CORO1B: variants seen among roughly 807,000 people sequenced by gnomAD.
CORO1B encodes coronin 1B.
CORO1B carries 30 observed loss-of-function variants against 51.1 expected under a neutral mutation model. The observed-to-expected ratio is 0.59, with a 90% CI of 0.44 to 0.80. The LOEUF (loss-of-function observed/expected upper bound fraction) is 0.80. Ranked by LOEUF, CORO1B falls within the 30% of genes least tolerant of loss-of-function variation. CORO1B has a pLI of 0.00. For synonymous variants in CORO1B, 310 were observed against 289.7 expected, an observed-to-expected ratio of 1.07 and a Z score of -0.71; for missense variants, 648 against 700.4, an observed-to-expected ratio of 0.93 and a Z score of 0.84.
rs547002578 is a variant in CORO1B, at chr11:67,442,541, G to A, written c.88C>T (p.Arg30Cys). Residue 30 changes from arginine to cysteine, a missense_variant, in exon 2 of 11, where the codon CGC becomes TGC. Coordinates refer to ENST00000341356, the MANE Select transcript of CORO1B (RefSeq NM_020441.3). The part of the protein sequence containing the change: ...VKNDQCYEDI[R>C]VSRVTWDSTF... ...CTGTCCCAGGTAACACGGGACACGC[G>A]AATGTCCTCATAGCACTGGTCGTTC... 2 of 1,613,786 alleles carry A rather than the reference G, an allele frequency of 1.2e-6. No homozygotes were observed. The highest frequency in any genetic ancestry group is 1.7e-6 in the Non-Finnish European group (2 of 1,180,014).
chr11:67,437,796 T>G lies in CORO1B; in HGVS notation c.*580A>C, dbSNP rs1399990377. On this transcript the variant is annotated 3_prime_UTR_variant, in exon 11 of 11. Coordinates refer to ENST00000341356, the MANE Select transcript of CORO1B (RefSeq NM_020441.3). ...CTGGTCCACACCAGACCCTCCCCAGTCTCTCTGGAGGAGGCTGGGCTGCCG... is the reference window on the plus strand; with the variant it reads ...CTGGTCCACACCAGACCCTCCCCAGGCTCTCTGGAGGAGGCTGGGCTGCCG... 1 of 574,826 alleles carries G rather than the reference T, an allele frequency of 1.7e-6. No individual in the cohort carries two copies. The highest frequency in any genetic ancestry group is 2.6e-6 in the Non-Finnish European group (1 of 380,930). The allele number at this position is 574,826 out of a possible 1,614,324, so 35.6% of individuals were successfully genotyped here.
rs1864419562 is a variant in CORO1B at position 67,442,516 on chromosome 11, C to T, written c.113G>A (p.Ser38Asn). The change falls in exon 2 of 11, where the codon AGC becomes AAC. Residue 38 changes from serine (S) to asparagine (N), a missense_variant. Coordinates refer to ENST00000341356, the MANE Select transcript of CORO1B (RefSeq NM_020441.3). ...DIRVSRVTWD[S>N]TFCAVNPKFL... ...CTTGGGGTTGACGGCGCAGAAGGTG[C>T]TGTCCCAGGTAACACGGGACACGCG... 6.2e-7 allele frequency: 1 copy of T among 1,613,636 alleles called. No individual in the cohort carries two copies. The highest frequency in any genetic ancestry group is 1.3e-5 in the African/African-American group (1 of 74,948).
chr11:67,437,573 C>T lies in CORO1B; in HGVS notation c.*803G>A, dbSNP rs773859701. On this transcript the variant is annotated 3_prime_UTR_variant, in exon 11 of 11. Transcript: ENST00000341356. ...GGCCCAGACATTCTAGCCCCGACCG[C>T]CTGTGGCCCCCATCCCAAGAACCCG... The T allele has an allele frequency of 1.5e-6, 2 of 1,342,968 alleles. No individual in the cohort carries two copies. Among genetic ancestry groups the T allele is most frequent in the East Asian group, 2.8e-5 (1 of 35,954 alleles). The allele number at this position is 1,342,968 out of a possible 1,614,324, so 83.2% of individuals were successfully genotyped here. A position where few individuals can be genotyped will look rare whatever the true frequency, so the allele number is the denominator to read the frequency against.
At chr11:67,440,518 T>C (rs1447769500) in intron 6 of CORO1B, 79 bp from the exon 7 acceptor site, 3 of 1,324,724 alleles carry the variant, frequency 2.3e-6, no homozygotes, top group Non-Finnish European at 3.2e-6. Context: ...TTAGCTGGCC[T>C]CACTAAGGCC....
chr11:67,438,236 C>T lies in CORO1B; in HGVS notation c.*140G>A. Reference sequence around the variant, plus strand: ...GCTGGGCGCTGGCTTCGGCCTGGGCCTGGGACGGGTGGGGGTGGGAACTGA... The same window carrying T: ...GCTGGGCGCTGGCTTCGGCCTGGGCTTGGGACGGGTGGGGGTGGGAACTGA... On this transcript the variant is annotated 3_prime_UTR_variant, in exon 11 of 11. Coordinates refer to ENST00000341356, the MANE Select transcript of CORO1B (RefSeq NM_020441.3). The T allele has an allele frequency of 9.1e-7, 1 of 1,099,952 alleles. No homozygotes were observed. Among genetic ancestry groups the T allele is most frequent in the Non-Finnish European group, 1.3e-6 (1 of 780,198 alleles). The allele number at this position is 1,099,952 out of a possible 1,614,324, so 68.1% of individuals were successfully genotyped here.
At chr11:67,438,589 G>A in intron 10 of CORO1B, 82 bp downstream of exon 10, 2 of 1,541,338 alleles carry the variant, frequency 1.3e-6, no homozygotes, top group Admixed American at 1.9e-5. Context: ...CCCAGAGAGG[G>A]ACAGCGAATG....
intron 6 of CORO1B, 41 bp from the exon 7 acceptor site, chr11:67,440,480 AC>A (rs1388895251): frequency 6.3e-7 from 1 of 1,584,030 alleles, no homozygotes; most frequent in Non-Finnish European, 8.6e-7. Context: ...GAACCTCCTC[AC>A]CCCCTAATCC....
Position 67,438,162 on chromosome 11 carries a change from C to A in CORO1B, c.*214G>T. 1 of 526,266 alleles carries A rather than the reference C, an allele frequency of 1.9e-6. No individual in the cohort carries two copies. The allele number at this position is 526,266 out of a possible 1,614,324, so 32.6% of individuals were successfully genotyped here. A position where few individuals can be genotyped will look rare whatever the true frequency, so the allele number is the denominator to read the frequency against. On this transcript the variant is annotated 3_prime_UTR_variant, in exon 11 of 11. Coordinates refer to ENST00000341356, the MANE Select transcript of CORO1B (RefSeq NM_020441.3). ...GTCGGGGAGATGGTCCCTCAGAGGT[C>A]GAGGAGCTCGCCTGGGCGTAGACAT...
chr11:67,441,308 A>G (rs771772582), intron 5 of CORO1B, 25 bp downstream of exon 5: 1 of 1,613,144 alleles, frequency 6.2e-7, no homozygotes, highest in Non-Finnish European at 8.5e-7. Flanking sequence ...ATCCACAGCC[A>G]TCCTTGCCCT....
intron 9 of CORO1B, among the ~76,000 whole-genome samples, 178 bp downstream of exon 9, chr11:67,439,608 C>A (rs1431603156): frequency 6.6e-6 from 1 of 152,248 alleles, no homozygotes; most frequent in Non-Finnish European, 1.5e-5. Context: ...TCCCCACTTG[C>A]CCCCTGACTG....
In CORO1B at chr11:67,436,232, A is replaced by C. The variant is rs1864271296; in HGVS notation, c.*2144T>G. The C allele has an allele frequency of 6.5e-7, 1 of 1,546,746 alleles. No individual in the cohort carries two copies. The highest frequency in any genetic ancestry group is 1.9e-5 in the Admixed American group (1 of 51,362). On this transcript the variant is annotated 3_prime_UTR_variant, in exon 11 of 11. Transcript: ENST00000341356. ...GCCAGTGGCCAGCAGTAGGAGCAGC[A>C]GCAGCAGCAGGACAACGGTGACAGA...
At position 67,441,314 on chromosome 11, in the gene CORO1B, G is replaced by C; in HGVS notation, c.636+19C>G. 1 of 1,613,222 alleles carries C rather than the reference G, an allele frequency of 6.2e-7. No homozygotes were observed. Among genetic ancestry groups the C allele is most frequent in the South Asian group, 1.1e-5 (1 of 91,070 alleles). On this transcript the variant is annotated intron_variant, in intron 5 of 10. Coordinates refer to ENST00000341356, the MANE Select transcript of CORO1B (RefSeq NM_020441.3). The stretch of plus-strand genomic sequence containing the variant: ...CCTGGGCCTATCCACAGCCATCCTT[G>C]CCCTCCAGAGCCACGTACTGCCACC...
rs3741183 is a variant in CORO1B at position 67,435,561 on chromosome 11, G to C, written c.*2815C>G. 6.3e-4 allele frequency: 624 copies of C among 989,918 alleles called. 6 individuals are homozygous for C. The East Asian group carries it at 0.016, about 26-fold the overall frequency. The allele number at this position is 989,918 out of a possible 1,614,324, so 61.3% of individuals were successfully genotyped here. On this transcript the variant is annotated 3_prime_UTR_variant, in exon 11 of 11. Transcript: ENST00000341356. ...ATGGTTGCCTGATGCCTGTGGTTGGGGGGGGCCGTTCCCGTGGTGAGCGGG... is the reference window on the plus strand; with the variant it reads ...ATGGTTGCCTGATGCCTGTGGTTGGCGGGGGCCGTTCCCGTGGTGAGCGGG...
rs1397678127 is a variant in CORO1B, at chr11:67,436,741, C to T, written c.*1635G>A. ...CCTTAACCTCTACCCTGATGTCTAT[C>T]ACTGCAGCCCACCCCAGCACCCCCC... On this transcript the variant is annotated 3_prime_UTR_variant, in exon 11 of 11. Coordinates refer to ENST00000341356, the MANE Select transcript of CORO1B (RefSeq NM_020441.3). 3 of 196,258 alleles carry T rather than the reference C, an allele frequency of 1.5e-5. No individual in the cohort carries two copies. Among genetic ancestry groups the T allele is most frequent in the Non-Finnish European group, 3.1e-5 (3 of 96,900 alleles). 12.2% of individuals were successfully genotyped at this position (196,258 alleles called of 1,614,324 possible).
At position 67,436,845 on chromosome 11, in the gene CORO1B, C is replaced by T. The variant is rs903447131; in HGVS notation, c.*1531G>A. 2 of 155,538 alleles carry T rather than the reference C, an allele frequency of 1.3e-5. No individual in the cohort carries two copies. The highest frequency in any genetic ancestry group is 2.8e-5 in the Non-Finnish European group (2 of 70,414). 9.6% of individuals were successfully genotyped at this position (155,538 alleles called of 1,614,324 possible). ...TCATTTTTTATGTCTATTGTCTTAT[C>T]TACCCCCCACAATAAGCTGCTAGGA... is the stretch of plus-strand genomic sequence containing the variant. On this transcript the variant is annotated 3_prime_UTR_variant, in exon 11 of 11. Coordinates refer to ENST00000341356, the MANE Select transcript of CORO1B (RefSeq NM_020441.3).
At chr11:67,440,625 T>A in intron 6 of CORO1B, 186 bp from the exon 7 acceptor site, 1 of 698,114 alleles carries the variant, frequency 1.4e-6, no homozygotes, top group East Asian at 2.7e-5. Context: ...TTCACTTTAT[T>A]CCCAGGGTCC....
chr11:67,443,612 C>G (rs1864440412), upstream of CORO1B: 6 of 718,260 alleles, frequency 8.4e-6, no homozygotes, highest in Non-Finnish European at 1.0e-5. Flanking sequence ...GCGGGGCCGC[C>G]GGGGACGGGG....
rs775641312 is a variant in CORO1B, at chr11:67,435,914, G to T, written c.*2462C>A. The T allele has an allele frequency of 1.9e-6, 3 of 1,612,700 alleles. No individual in the cohort carries two copies. Among genetic ancestry groups the T allele is most frequent in the South Asian group, 1.1e-5 (1 of 91,026 alleles). On this transcript the variant is annotated 3_prime_UTR_variant, in exon 11 of 11. Coordinates refer to ENST00000341356, the MANE Select transcript of CORO1B (RefSeq NM_020441.3). ...CGTGTCACTGTCTCTGGCTTCCTCAGCCCGCACGGGGACCTGCTCTGGGCT... is the reference window on the plus strand; with the variant it reads ...CGTGTCACTGTCTCTGGCTTCCTCATCCCGCACGGGGACCTGCTCTGGGCT...
rs567152204 is a variant in CORO1B at position 67,438,464 on chromosome 11, C to T, written c.1382G>A (p.Arg461Gln). ...GKLEEVMQEL[R>Q]ALRALVKEQG... ...CTCCTTGACCAGCGCCCTCAGGGCCCGCAGCTCCTGCATCACCTCCTCCAG... is the reference window on the plus strand; with the variant it reads ...CTCCTTGACCAGCGCCCTCAGGGCCTGCAGCTCCTGCATCACCTCCTCCAG... The change falls in exon 11 of 11, where the codon CGG becomes CAG. Residue 461 changes from arginine (R) to glutamine (Q), a missense_variant. Arg to Gln is a conservative substitution (Grantham distance 43). Coordinates refer to ENST00000341356, the MANE Select transcript of CORO1B (RefSeq NM_020441.3). The T allele has an allele frequency of 6.8e-6, 11 of 1,610,936 alleles. No individual in the cohort carries two copies. The highest frequency in any genetic ancestry group is 1.3e-5 in the African/African-American group (1 of 75,026).
Sources: gnomAD v4.1 joint callset for allele counts (sites outside exome capture counted in the v4.1 genomes callset) on GRCh38, gnomAD v4.1.1 for gene constraint, MANE v1.5 for transcripts, NCBI Gene and HGNC (gene_info 2026-07-23, HGNC 2026-07-21) for gene names.